CTNNA2: variants seen among roughly 807,000 people sequenced by gnomAD.
The protein encoded by CTNNA2 is catenin alpha-2.
Under a neutral mutation model 101.0 loss-of-function variants are expected in CTNNA2, and 42 were observed. The ratio of observed to expected loss-of-function variants is 0.42; its 90% CI spans 0.32 to 0.54. CTNNA2 has a LOEUF of 0.54. Ranked by LOEUF, CTNNA2 falls within the 20% of genes least tolerant of loss-of-function variation. The probability of loss-of-function intolerance (pLI) is 0.14; values close to 1 mark genes in which losing one functional copy is unlikely to be tolerated. For synonymous variants in CTNNA2, 450 were observed against 456.4 expected, an observed-to-expected ratio of 0.99 and a Z score of 0.18; for missense variants, 871 against 1,223.1, an observed-to-expected ratio of 0.71 and a Z score of 4.29.
chr2:79,851,399 G>C (rs1322348811), intron 3 of CTNNA2, among the ~76,000 whole-genome samples: 8 of 152,192 alleles, frequency 5.3e-5, no homozygotes, highest in Non-Finnish European at 1.0e-4. Context: ...TTAAGATTCT[G>C]TTATGTATTT....
intron 1 of CTNNA2, among the ~76,000 whole-genome samples, chr2:79,560,634 G>A (rs17714054): frequency 5.9e-5 from 9 of 151,828 alleles, no homozygotes; most frequent in Non-Finnish European, 1.5e-5. Context: ...AAAGGCAAAA[G>A]AATGTCTTTT....
In CTNNA2 at chr2:79,440,913, G is replaced by T. The variant is rs148003907; in HGVS notation, c.-134-64141G>T. On this transcript the variant is annotated intron_variant, in intron 4 of 21. Coordinates refer to the CTNNA2 transcript ENST00000466387. The stretch of plus-strand genomic sequence containing the variant: ...CTCCTATCCTTGATGCTCTCCACAG[G>T]GCACCCAACCCAGTGGGATTCATGT... Among the ~76,000 whole-genome samples, 323 of 152,098 alleles carry T rather than the reference G, an allele frequency of 2.1e-3. 1 individual carries two copies. Among genetic ancestry groups the T allele is most frequent in the African/African-American group, 7.3e-3 (302 of 41,476 alleles).
chr2:79,246,400 C>T (rs1402121432), intron 2 of CTNNA2, among the ~76,000 whole-genome samples: 1 of 152,132 alleles, frequency 6.6e-6, no homozygotes, highest in Non-Finnish European at 1.5e-5. Flanking sequence ...CTGTATTTTG[C>T]AGCTGAGATT....
At chr2:80,513,642 A>T (rs942817859) in intron 9 of CTNNA2, among the ~76,000 whole-genome samples, 7 of 152,244 alleles carry the variant, frequency 4.6e-5, no homozygotes, top group Non-Finnish European at 1.0e-4. Context: ...TTCTTGTCAC[A>T]TGATAGATGG....
intron 7 of CTNNA2, among the ~76,000 whole-genome samples, chr2:79,958,259 A>C (rs1329366019): frequency 6.6e-6 from 1 of 152,202 alleles, no homozygotes; most frequent in African/African-American, 2.4e-5. Flanking sequence ...GACCCCCCAA[A>C]GATGTCCATG....
At chr2:80,563,386 A>G (rs1693776830) in intron 12 of CTNNA2, among the ~76,000 whole-genome samples, 1 of 152,240 alleles carries the variant, frequency 6.6e-6, no homozygotes. Context: ...TTGGAAGCAC[A>G]TGTGGTACAT....
chr2:79,541,300 G>C (rs1458233457), intron 1 of CTNNA2, among the ~76,000 whole-genome samples: 4 of 147,776 alleles, frequency 2.7e-5, no homozygotes, highest in Non-Finnish European at 6.0e-5. Flanking sequence ...TTTAATTTTG[G>C]AGCTCTTATA....
rs116863052 is a variant in CTNNA2 at position 79,726,382 on chromosome 2, A to T, written c.103-18005A>T. Among the ~76,000 whole-genome samples, 1,493 of 152,304 alleles carry T rather than the reference A, an allele frequency of 9.8e-3. 62 individuals carry two copies. The East Asian group carries it at 0.11, about 12-fold the overall frequency. On this transcript the variant is annotated intron_variant, in intron 2 of 18. Transcript: ENST00000402739. ...CCTGTCCGTGGCCTGTTAGGAGCCC[A>T]CAGCAGGAGGTGAGTGGTGGGCAAG...
chr2:80,455,635 C>T lies in CTNNA2; in HGVS notation c.1290+36034C>T, dbSNP rs79614728. Among the ~76,000 whole-genome samples the T allele has an allele frequency of 5.1e-3, 783 of 152,300 alleles. 6 individuals carry two copies. The highest frequency in any genetic ancestry group is 0.018 in the African/African-American group (756 of 41,550). ...AGGAGTGTACTCTCACAAATCCTCT[C>T]CTCATTAAAGTGAAGAAAATAATAT... On this transcript the variant is annotated intron_variant, in intron 9 of 18. Transcript: ENST00000402739.
At chr2:79,443,075 C>A (rs1225955935) in intron 4 of CTNNA2, among the ~76,000 whole-genome samples, 1 of 152,108 alleles carries the variant, frequency 6.6e-6, no homozygotes, top group African/African-American at 2.4e-5. Flanking sequence ...ATTGGCTCAT[C>A]TCCTCTAATT....
intron 5 of CTNNA2, among the ~76,000 whole-genome samples, chr2:79,872,777 G>GTGCCAAATGAGCAAATAGGA (rs1682692019): frequency 1.3e-5 from 2 of 152,326 alleles, no homozygotes; most frequent in Middle Eastern, 3.4e-3. Flanking sequence ...CATCTATCAT[G>GTGCCAAATGAGCAAATAGGA]TGCCAAATGA....
chr2:80,522,481 C>T (rs996746539), intron 9 of CTNNA2, among the ~76,000 whole-genome samples: 18 of 152,100 alleles, frequency 1.2e-4, no homozygotes, highest in Non-Finnish European at 1.3e-4. Flanking sequence ...AGGAATAAAG[C>T]GGTTGGAGAT....
intron 3 of CTNNA2, among the ~76,000 whole-genome samples, chr2:79,830,113 T>C (rs538118172): frequency 6.6e-6 from 1 of 152,266 alleles, no homozygotes; most frequent in East Asian, 1.9e-4. Flanking sequence ...AGCTTCTGTA[T>C]GTACCTGGGA....
At chr2:80,087,091 G>C (rs952454683) in intron 7 of CTNNA2, among the ~76,000 whole-genome samples, 2 of 151,880 alleles carry the variant, frequency 1.3e-5, no homozygotes, top group African/African-American at 4.8e-5. Flanking sequence ...ACCTTCCTTT[G>C]ACTGATAGTA....
At chr2:79,994,772 G>T (rs10180106) in intron 7 of CTNNA2, among the ~76,000 whole-genome samples, 1 of 151,870 alleles carries the variant, frequency 6.6e-6, no homozygotes, top group African/African-American at 2.4e-5. Flanking sequence ...CTCCGCATTT[G>T]CTCTTGTGCT....
intron 2 of CTNNA2, chr2:79,293,318 A>G (rs1264464382): frequency 6.6e-6 from 1 of 152,204 alleles, no homozygotes; most frequent in African/African-American, 2.4e-5. Context: ...GAAATGTTGC[A>G]GTTGAAAAAA....
intron 4 of CTNNA2, among the ~76,000 whole-genome samples, chr2:79,496,576 T>C (rs1176280896): frequency 6.6e-6 from 1 of 152,042 alleles, no homozygotes. Context: ...ATATCTTCCA[T>C]TTTGGGGATT....
At chr2:79,338,596 T>TTCTTCTTCTTCTTGC (rs1677057023) in intron 3 of CTNNA2, among the ~76,000 whole-genome samples, 1 of 143,906 alleles carries the variant, frequency 6.9e-6, no homozygotes, top group Non-Finnish European at 1.5e-5. Flanking sequence ...CTTCTTCTTC[T>TTCTTCTTCTTCTTGC]TCTTCTTCTT....
chr2:80,050,224 T>G (rs1258792063), intron 7 of CTNNA2, among the ~76,000 whole-genome samples: 1 of 152,168 alleles, frequency 6.6e-6, no homozygotes, highest in Non-Finnish European at 1.5e-5. Context: ...GTTGCACACC[T>G]CTCTACCACC....
Sources: allele counts gnomAD v4.1 joint callset (sites outside exome capture counted in the v4.1 genomes callset), GRCh38; gene constraint gnomAD v4.1.1; transcripts MANE v1.5; gene names NCBI Gene and HGNC (gene_info 2026-07-23, HGNC 2026-07-21).